The following MAPK8IP3 variants were observed in gnomAD, a reference collection of about 807,000 sequenced individuals.
MAPK8IP3 encodes the protein mitogen-activated protein kinase 8 interacting protein 3.
MAPK8IP3 carries 49 observed loss-of-function variants against 157.8 expected under a neutral mutation model. The ratio of observed to expected loss-of-function variants is 0.31; its 90% CI spans 0.25 to 0.39. MAPK8IP3 has a LOEUF of 0.39. MAPK8IP3 is among the 10% of genes least tolerant of loss of function. The pLI, the probability that MAPK8IP3 is intolerant of heterozygous loss-of-function variation, is 1.00. For missense variants in MAPK8IP3, 1,478 were observed against 1,889.4 expected (o/e 0.78, Z 4.04); for synonymous variants, 897 against 777.7 (o/e 1.15, Z -2.55).
At chr16:1,762,297 G>A (rs1190256096) in intron 13 of MAPK8IP3, 54 bp from the exon 14 acceptor site, 6 of 1,517,692 alleles carry the variant, frequency 4.0e-6, no homozygotes, top group African/African-American at 1.4e-5. Context: ...GGAGGAAGCA[G>A]GTGTCACCCG....
intron 1 of MAPK8IP3, among the ~76,000 whole-genome samples, chr16:1,715,287 T>C (rs2038072703): frequency 6.6e-6 from 1 of 152,114 alleles, no homozygotes; most frequent in African/African-American, 2.4e-5. Context: ...TGTCCTTCCC[T>C]CGACCCGTGT....
At chr16:1,736,804 GCGTGTGACCGTC>G (rs2039923896) in intron 4 of MAPK8IP3, among the ~76,000 whole-genome samples, 1 of 56,696 alleles carries the variant, frequency 1.8e-5, no homozygotes, top group Admixed American at 2.2e-4. Flanking sequence ...GTCCGTGTGA[GCGTGTGACCGTC>G]CGTGTGAGCG....
At chr16:1,716,268 G>C (rs1193851850) in intron 1 of MAPK8IP3, among the ~76,000 whole-genome samples, 2 of 151,272 alleles carry the variant, frequency 1.3e-5, no homozygotes, top group African/African-American at 4.9e-5. Context: ...AAACTGGCTT[G>C]GATTACTAGA....
chr16:1,764,229 C>T lies in MAPK8IP3; in HGVS notation c.2121+19C>T, dbSNP rs748034526. On this transcript the variant is annotated intron_variant, in intron 18 of 31. Transcript: ENST00000610761. ...CATGAAGGTGAGCCCGCGAGGACCC[C>T]GCTCAGGCTGGCTGGGCGAGCGGGA... 1.2e-6 allele frequency: 2 copies of T among 1,606,852 alleles called. No homozygotes were observed. The highest frequency in any genetic ancestry group is 2.2e-5 in the South Asian group (2 of 90,562).
chr16:1,718,028 T>C (rs751706250), intron 1 of MAPK8IP3, among the ~76,000 whole-genome samples: 1 of 151,756 alleles, frequency 6.6e-6, no homozygotes, highest in Non-Finnish European at 1.5e-5. Context: ...ATCTTTTTTG[T>C]ATTTTTAGTA....
chr16:1,729,453 G>A (rs765204488), intron 3 of MAPK8IP3, 34 bp from the exon 4 acceptor site: 3 of 1,584,028 alleles, frequency 1.9e-6, no homozygotes, highest in Non-Finnish European at 8.6e-7. Flanking sequence ...AGCCCCCCAC[G>A]GCAGCGCTAA....
At chr16:1,736,735 C>A (rs1177466937) in intron 4 of MAPK8IP3, among the ~76,000 whole-genome samples, 54 of 44,990 alleles carry the variant, frequency 1.2e-3, no homozygotes, top group Admixed American at 3.1e-3. Context: ...TCCGTGTGAG[C>A]GTGTGACCAT....
At chr16:1,726,937 C>T (rs1386205273) in intron 2 of MAPK8IP3, among the ~76,000 whole-genome samples, 2 of 152,204 alleles carry the variant, frequency 1.3e-5, no homozygotes, top group South Asian at 2.1e-4. Flanking sequence ...ATGTGTGCAG[C>T]GTGCAGTGTC....
intron 4 of MAPK8IP3, among the ~76,000 whole-genome samples, chr16:1,735,474 A>T (rs1182003862): frequency 2.8e-4 from 20 of 71,810 alleles, no homozygotes; most frequent in Non-Finnish European, 3.1e-4. Flanking sequence ...TCCGTGTGAG[A>T]GTGTGACCGT....
Position 1,706,405 on chromosome 16 carries a change from C to G in MAPK8IP3, c.66C>G (p.Gly22=), listed in dbSNP as rs116548805. ...VVVYQDDYCS[G]SVMSERVSGL... ...TGTACCAGGACGACTACTGCTCCGGCTCGGTGATGTCGGAGCGGGTGTCGG... is the reference window on the plus strand; with the variant it reads ...TGTACCAGGACGACTACTGCTCCGGGTCGGTGATGTCGGAGCGGGTGTCGG... Residue 22 remains glycine, a synonymous_variant, in exon 1 of 32, where the codon GGC becomes GGG. Coordinates refer to ENST00000610761, the MANE Select transcript of MAPK8IP3 (RefSeq NM_001318852.2). This position sits in a 1 kb window ranked among gnomAD's most constrained non-coding sequence, Gnocchi z 5.1. 1.4e-4 allele frequency: 227 copies of G among 1,613,472 alleles called. 1 individual carries two copies. The highest frequency in any genetic ancestry group is 2.7e-4 in the Admixed American group (16 of 59,994).
At chr16:1,728,366 G>A (rs972483138) in intron 2 of MAPK8IP3, among the ~76,000 whole-genome samples, 3 of 152,230 alleles carry the variant, frequency 2.0e-5, no homozygotes, top group Non-Finnish European at 2.9e-5. Context: ...ACCCTTTGAC[G>A]TGTCCAGGAG....
chr16:1,763,156 C>T (rs769238514), intron 16 of MAPK8IP3, 150 bp downstream of exon 16: 6 of 996,764 alleles, frequency 6.0e-6, no homozygotes, highest in East Asian at 2.6e-5. Context: ...TCTCCCTGCA[C>T]ACTGCCTGCC....
At chr16:1,763,331 G>T (rs559129356) in intron 16 of MAPK8IP3, among the ~76,000 whole-genome samples, 2 of 152,384 alleles carry the variant, frequency 1.3e-5, no homozygotes, top group African/African-American at 4.8e-5. Flanking sequence ...GGGAGTCGCT[G>T]GTCATGCCTG....
intron 5 of MAPK8IP3, 128 bp from the exon 6 acceptor site, chr16:1,746,901 G>A (rs1036511957): frequency 2.0e-5 from 23 of 1,171,784 alleles, no homozygotes; most frequent in Non-Finnish European, 2.6e-5. Context: ...GAGGAGCTCT[G>A]GCCCGCAGGG....
At chr16:1,764,687 G>C (rs142021588) in intron 19 of MAPK8IP3, among the ~76,000 whole-genome samples, 1 of 152,284 alleles carries the variant, frequency 6.6e-6, no homozygotes, top group East Asian at 1.9e-4. Flanking sequence ...GGCCTGCACT[G>C]GGCTGCAGGG....
intron 8 of MAPK8IP3, among the ~76,000 whole-genome samples, chr16:1,753,237 T>A (rs2041396002): frequency 6.6e-6 from 1 of 152,170 alleles, no homozygotes; most frequent in African/African-American, 2.4e-5. Flanking sequence ...ATCTGTTGTA[T>A]TCCATCGAAT....
At chr16:1,707,544 G>T (rs2142253650) in intron 1 of MAPK8IP3, 1 of 152,454 alleles carries the variant, frequency 6.6e-6, no homozygotes, top group Non-Finnish European at 1.5e-5. Flanking sequence ...GCCGGGCCCT[G>T]TGGGGAGCAC....
At chr16:1,763,813 G>A in intron 17 of MAPK8IP3, 30 bp downstream of exon 17, 3 of 1,444,322 alleles carry the variant, frequency 2.1e-6, no homozygotes, top group Admixed American at 2.9e-5. Context: ...GGACCGGGCG[G>A]GGCCCCGCAG....
intron 1 of MAPK8IP3, among the ~76,000 whole-genome samples, chr16:1,721,655 T>TG (rs1207183998): frequency 6.6e-6 from 1 of 152,214 alleles, no homozygotes; most frequent in Non-Finnish European, 1.5e-5. Context: ...TTCACCATGT[T>TG]GCATCTAACT....
Sources: allele counts gnomAD v4.1 joint callset (sites outside exome capture counted in the v4.1 genomes callset), GRCh38; gene constraint gnomAD v4.1.1; non-coding constraint Gnocchi (gnomAD v3.1); transcripts MANE v1.5; gene names NCBI Gene and HGNC (gene_info 2026-07-23, HGNC 2026-07-21).